The following DUSP13B variants were observed in gnomAD, a reference collection of about 807,000 sequenced individuals.
DUSP13B encodes dual specificity protein phosphatase 13B.
At chr10:75,108,942 G>T in the DUSP13B span, 1 of 1,534,162 alleles carries the variant, frequency 6.5e-7, no homozygotes. Flanking sequence ...TCCTGTGTCT[G>T]GTAAAGCGAC....
chr10:75,094,543 C>T, the DUSP13B span: 2 of 983,212 alleles, frequency 2.0e-6, no homozygotes, highest in East Asian at 5.3e-5. Context: ...CACCACCCAG[C>T]TATCCCTGCC....
chr10:75,095,614 C>T, the DUSP13B span: 1 of 1,614,208 alleles, frequency 6.2e-7, no homozygotes, highest in Non-Finnish European at 8.5e-7. Context: ...TATCGAGCAA[C>T]AGGCAGAAAG....
the DUSP13B span, chr10:75,108,158 C>T: frequency 6.2e-7 from 1 of 1,612,682 alleles, no homozygotes; most frequent in Non-Finnish European, 8.5e-7. Flanking sequence ...CGGCGTTCAG[C>T]ACGTGGGTGA....
the DUSP13B span, among the ~76,000 whole-genome samples, chr10:75,103,227 T>C: frequency 6.6e-6 from 1 of 152,214 alleles, no homozygotes; most frequent in Non-Finnish European, 1.5e-5. Context: ...TGTAAACTGG[T>C]GGCATTGCCA....
the DUSP13B span, chr10:75,099,571 T>TG: frequency 0.071 from 87,224 of 1,229,360 alleles, 7,182 homozygotes; most frequent in East Asian, 0.55. Context: ...GGGGCGCCCA[T>TG]GGGGGGTGGG....
chr10:75,096,374 C>T, the DUSP13B span, among the ~76,000 whole-genome samples: 3 of 151,202 alleles, frequency 2.0e-5, no homozygotes, highest in East Asian at 3.9e-4. Flanking sequence ...CTCAGGAGTT[C>T]GAGACCAGCC....
the DUSP13B span, among the ~76,000 whole-genome samples, chr10:75,101,651 A>G: frequency 6.6e-6 from 1 of 152,204 alleles, no homozygotes; most frequent in Non-Finnish European, 1.5e-5. Flanking sequence ...CAACATACCC[A>G]GAGTCACATA....
chr10:75,105,955 C>T, the DUSP13B span: 1 of 1,304,926 alleles, frequency 7.7e-7, no homozygotes, highest in Non-Finnish European at 1.1e-6. Context: ...CTTTCCTGAC[C>T]CTGCCTTGGG....
chr10:75,098,113 C>T, the DUSP13B span, among the ~76,000 whole-genome samples: 1 of 152,362 alleles, frequency 6.6e-6, no homozygotes, highest in South Asian at 2.1e-4. Context: ...CTGGGCAGAC[C>T]TCTCTCCTGC....
chr10:75,104,717 G>A, the DUSP13B span, among the ~76,000 whole-genome samples: 5 of 152,110 alleles, frequency 3.3e-5, no homozygotes, highest in East Asian at 7.7e-4. Flanking sequence ...ATAACCCAAA[G>A]TTTCTTATCA....
chr10:75,101,295 C>A, the DUSP13B span, among the ~76,000 whole-genome samples: 2 of 152,154 alleles, frequency 1.3e-5, no homozygotes, highest in Admixed American at 1.3e-4. Flanking sequence ...ATGTAAAGCA[C>A]CTCCCACAGG....
chr10:75,099,523 C>A, the DUSP13B span: 5 of 1,231,712 alleles, frequency 4.1e-6, no homozygotes, highest in Non-Finnish European at 5.1e-6. Flanking sequence ...GCCCAGAACA[C>A]AAACACTGTG....
chr10:75,102,176 T>G, the DUSP13B span, among the ~76,000 whole-genome samples: 1 of 152,192 alleles, frequency 6.6e-6, no homozygotes, highest in African/African-American at 2.4e-5. Context: ...TGTACATGTA[T>G]GTTGATAGTG....
chr10:75,104,079 C>G, the DUSP13B span: 2 of 1,356,620 alleles, frequency 1.5e-6, no homozygotes, highest in Non-Finnish European at 9.8e-7. Flanking sequence ...AGCCCCATGG[C>G]AGGGAGTAAG....
the DUSP13B span, chr10:75,108,039 A>G: frequency 6.2e-7 from 1 of 1,613,674 alleles, no homozygotes; most frequent in Non-Finnish European, 8.5e-7. Flanking sequence ...CGCAGAGGAG[A>G]AGTAGGCACT....
chr10:75,108,147 G>A, the DUSP13B span: 1 of 1,612,964 alleles, frequency 6.2e-7, no homozygotes, highest in African/African-American at 1.3e-5. Context: ...GCCCTTGTGG[G>A]CGGCGTTCAG....
the DUSP13B span, chr10:75,108,220 C>A: frequency 6.3e-7 from 1 of 1,585,264 alleles, no homozygotes; most frequent in Admixed American, 1.7e-5. Flanking sequence ...CTGGGGAGGG[C>A]AGGAAGGGCA....
chr10:75,100,278 G>A, the DUSP13B span, among the ~76,000 whole-genome samples: 3 of 152,112 alleles, frequency 2.0e-5, no homozygotes, highest in Non-Finnish European at 4.4e-5. Flanking sequence ...TCTGAAGAAC[G>A]GGGCTCTCCC....
chr10:75,097,487 G>A, the DUSP13B span, among the ~76,000 whole-genome samples: 2 of 152,244 alleles, frequency 1.3e-5, no homozygotes, highest in South Asian at 4.1e-4. Flanking sequence ...TGGGATTACA[G>A]GCGTGAGCCA....
Sources: gnomAD v4.1 joint callset for allele counts (sites outside exome capture counted in the v4.1 genomes callset) on GRCh38, gnomAD v4.1.1 for gene constraint, MANE v1.5 for transcripts, NCBI Gene and HGNC (gene_info 2026-07-23, HGNC 2026-07-21) for gene names.